TRIM33: variants seen among roughly 807,000 people sequenced by gnomAD.
TRIM33 encodes the protein tripartite motif containing 33.
Under a neutral mutation model 125.4 loss-of-function variants are expected in TRIM33, and 20 were observed. That is an observed-to-expected ratio of 0.16 (90% CI 0.11 to 0.23). TRIM33 has a LOEUF of 0.23. TRIM33 is among the 10% of genes least tolerant of loss of function. The pLI is 1.00. For missense variants in TRIM33, 920 were observed against 1,411.4 expected (o/e 0.65, Z 5.58); for synonymous variants, 564 against 513.9 (o/e 1.10, Z -1.32).
In TRIM33 at chr1:114,465,807, C is replaced by T. The variant is rs186264493; in HGVS notation, c.527-1419G>A. On this transcript the variant is annotated intron_variant, in intron 1 of 19. Transcript: ENST00000358465. ...CTGTAATCCCAGCACTTTGGGAGGC[C>T]GAGGCGGGCGGATCACGAGGTCAGG... 7.3e-3 allele frequency among the ~76,000 whole-genome samples: 1,110 copies of T among 151,918 alleles called. 9 individuals carry two copies. The highest frequency in any genetic ancestry group is 0.012 in the Non-Finnish European group (798 of 67,946).
chr1:114,491,668 G>C (rs1456210251), intron 1 of TRIM33, among the ~76,000 whole-genome samples: 2 of 152,060 alleles, frequency 1.3e-5, no homozygotes, highest in Non-Finnish European at 2.9e-5. Context: ...GCTGGGTGTG[G>C]TAGCATGGGC....
rs189444270 is a variant in TRIM33, at chr1:114,405,382, C to A, written c.2768+28G>T. The A allele has an allele frequency of 3.4e-3, 5,190 of 1,529,486 alleles. 17 individuals carry two copies. The highest frequency in any genetic ancestry group is 4.3e-3 in the Non-Finnish European group (4,782 of 1,124,270). 94.7% of individuals were successfully genotyped at this position (1,529,486 alleles called of 1,614,324 possible). On this transcript the variant is annotated intron_variant, in intron 15 of 19. Transcript: ENST00000358465. ...TTTATTTTTAGCTTATGAAAATCAA[C>A]ACCAAAAATCAATTATTTCACTGGT...
At chr1:114,407,286 T>C (rs1652306576) in intron 13 of TRIM33, among the ~76,000 whole-genome samples, 186 bp from the exon 14 acceptor site, 1 of 152,124 alleles carries the variant, frequency 6.6e-6, no homozygotes, top group Non-Finnish European at 1.5e-5. Flanking sequence ...CTCTTTAAAA[T>C]TATGCAGCAA....
intron 4 of TRIM33, among the ~76,000 whole-genome samples, chr1:114,448,246 C>G (rs1408367944): frequency 6.6e-6 from 1 of 152,048 alleles, no homozygotes; most frequent in African/African-American, 2.4e-5. Flanking sequence ...TCTAAGATAA[C>G]AGAAATGTAG....
chr1:114,504,808 G>T (rs1237312505), intron 1 of TRIM33, among the ~76,000 whole-genome samples: 2 of 152,162 alleles, frequency 1.3e-5, no homozygotes, highest in Non-Finnish European at 2.9e-5. Flanking sequence ...GTTTTTACAA[G>T]ATCTAGGTAA....
At chr1:114,467,399 T>C (rs1244529203) in intron 1 of TRIM33, among the ~76,000 whole-genome samples, 1 of 152,174 alleles carries the variant, frequency 6.6e-6, no homozygotes, top group Admixed American at 6.5e-5. Context: ...GGATAGATGG[T>C]GTTTAACTAG....
chr1:114,398,683 T>C (rs931770388), intron 18 of TRIM33, among the ~76,000 whole-genome samples: 1 of 151,924 alleles, frequency 6.6e-6, no homozygotes, highest in Non-Finnish European at 1.5e-5. Flanking sequence ...TTAGTAATAA[T>C]CATATGGCAC....
At chr1:114,449,215 G>C (rs1263924447) in intron 4 of TRIM33, among the ~76,000 whole-genome samples, 1 of 151,970 alleles carries the variant, frequency 6.6e-6, no homozygotes, top group East Asian at 1.9e-4. Flanking sequence ...AGTCATACAC[G>C]AGATGTGAAA....
chr1:114,501,821 T>TA (rs1652736825), intron 1 of TRIM33, among the ~76,000 whole-genome samples: 2 of 152,226 alleles, frequency 1.3e-5, no homozygotes, highest in African/African-American at 2.4e-5. Flanking sequence ...ATAAATAGCA[T>TA]ATAAGCATTC....
intron 1 of TRIM33, among the ~76,000 whole-genome samples, chr1:114,489,956 T>G (rs1364810663): frequency 1.3e-5 from 2 of 149,714 alleles, no homozygotes; most frequent in Admixed American, 6.7e-5. Flanking sequence ...GATATAAGGG[T>G]GCAGCACGTC....
At chr1:114,426,067 G>C (rs891225077) in intron 8 of TRIM33, among the ~76,000 whole-genome samples, 2 of 152,110 alleles carry the variant, frequency 1.3e-5, no homozygotes, top group African/African-American at 4.8e-5. Context: ...CTTACTCAAG[G>C]ATACTCAAGA....
At chr1:114,402,704 T>C in intron 16 of TRIM33, 56 bp downstream of exon 16, 3 of 1,577,548 alleles carry the variant, frequency 1.9e-6, no homozygotes, top group East Asian at 2.2e-5. Flanking sequence ...AAAAGGTGTA[T>C]ATATAGGCAG....
At chr1:114,477,290 T>C in intron 1 of TRIM33, among the ~76,000 whole-genome samples, 1 of 149,874 alleles carries the variant, frequency 6.7e-6, no homozygotes, top group East Asian at 2.0e-4. Flanking sequence ...AACCTAAATA[T>C]GAAAGAATCA....
chr1:114,482,643 T>A (rs977088142), intron 1 of TRIM33, among the ~76,000 whole-genome samples: 3 of 152,192 alleles, frequency 2.0e-5, no homozygotes, highest in African/African-American at 7.2e-5. Flanking sequence ...TGAATTGTAA[T>A]CTCCAATGTT....
At chr1:114,404,653 T>G (rs1028763568) in intron 15 of TRIM33, 7 of 152,106 alleles carry the variant, frequency 4.6e-5, no homozygotes, top group Non-Finnish European at 1.0e-4. Flanking sequence ...TAACTCTATC[T>G]CCAAAGACTT....
At chr1:114,449,788 A>C (rs547484213) in intron 4 of TRIM33, among the ~76,000 whole-genome samples, 1 of 152,316 alleles carries the variant, frequency 6.6e-6, no homozygotes, top group South Asian at 2.1e-4. Flanking sequence ...CCACATGCCA[A>C]ACTTGTCAGC....
Position 114,471,853 on chromosome 1 carries a change from T to A in TRIM33, c.527-7465A>T, listed in dbSNP as rs992256212. ...GGAAAACATGTTATTTTATAAAAAA[T>A]TGAATGGTTGTCAAGCTCACATTTC... On this transcript the variant is annotated intron_variant, in intron 1 of 19. Coordinates refer to ENST00000358465, the MANE Select transcript of TRIM33 (RefSeq NM_015906.4). 8.5e-5 allele frequency among the ~76,000 whole-genome samples: 13 copies of A among 152,158 alleles called. No individual in the cohort carries two copies. In the East Asian group the frequency reaches 2.5e-3, roughly 29 times the overall value.
At chr1:114,441,416 T>C (rs942974057) in intron 4 of TRIM33, among the ~76,000 whole-genome samples, 7 of 152,252 alleles carry the variant, frequency 4.6e-5, no homozygotes, top group Admixed American at 3.9e-4. Flanking sequence ...CTGTTCTTCC[T>C]TTCCTTACAT....
chr1:114,432,244 T>C (rs1027948911), intron 5 of TRIM33, among the ~76,000 whole-genome samples: 1 of 152,212 alleles, frequency 6.6e-6, no homozygotes, highest in Non-Finnish European at 1.5e-5. Context: ...AAAATACTTA[T>C]ACAATGTACA....
Sources: gnomAD v4.1 joint callset for allele counts (sites outside exome capture counted in the v4.1 genomes callset) on GRCh38, gnomAD v4.1.1 for gene constraint, MANE v1.5 for transcripts, NCBI Gene and HGNC (gene_info 2026-07-23, HGNC 2026-07-21) for gene names.